UBE2H: variants seen among roughly 807,000 people sequenced by gnomAD.
The protein encoded by UBE2H is ubiquitin-conjugating enzyme E2 H.
In UBE2H, 3 loss-of-function variants were observed where a neutral mutation model predicts 29.0. The observed-to-expected ratio is 0.10, with a 90% CI of 0.05 to 0.27. The LOEUF (loss-of-function observed/expected upper bound fraction) is 0.27. Ranked by LOEUF, UBE2H falls within the 10% of genes least tolerant of loss-of-function variation. The pLI is 1.00. For missense variants in UBE2H, 68 were observed against 228.2 expected, an observed-to-expected ratio of 0.30 and a Z score of 4.52; for synonymous variants, 69 against 82.9, an observed-to-expected ratio of 0.83 and a Z score of 0.91.
intron 5 of UBE2H, among the ~76,000 whole-genome samples, chr7:129,840,352 A>G (rs938965896): frequency 6.6e-6 from 1 of 151,444 alleles, no homozygotes; most frequent in East Asian, 2.0e-4. Flanking sequence ...ATACCCAGCT[A>G]ATTTTTTTTT....
chr7:129,865,532 G>A (rs1038085730), intron 3 of UBE2H, among the ~76,000 whole-genome samples: 1 of 152,226 alleles, frequency 6.6e-6, no homozygotes, highest in Non-Finnish European at 1.5e-5. Context: ...CAAACGACTT[G>A]TGAATCAAGG....
chr7:129,926,980 T>A (rs902079589), intron 1 of UBE2H, among the ~76,000 whole-genome samples: 1 of 152,188 alleles, frequency 6.6e-6, no homozygotes, highest in Non-Finnish European at 1.5e-5. Context: ...ACCTCATGAG[T>A]GCCCTCTTGC....
At chr7:129,882,520 C>T (rs1336816786) in intron 1 of UBE2H, among the ~76,000 whole-genome samples, 2 of 152,180 alleles carry the variant, frequency 1.3e-5, no homozygotes, top group African/African-American at 2.4e-5. Flanking sequence ...AAAGTCCTTG[C>T]TCAAGAGCCC....
chr7:129,894,397 G>A (rs910308865), intron 1 of UBE2H, among the ~76,000 whole-genome samples: 4 of 151,830 alleles, frequency 2.6e-5, no homozygotes, highest in East Asian at 1.9e-4. Flanking sequence ...ACCATGTCAC[G>A]CCACTGCACT....
intron 1 of UBE2H, among the ~76,000 whole-genome samples, chr7:129,935,057 T>C (rs1319457556): frequency 1.3e-5 from 2 of 150,556 alleles, no homozygotes; most frequent in East Asian, 3.9e-4. Flanking sequence ...AGGTGAAAGG[T>C]AAAAATAAAC....
intron 1 of UBE2H, among the ~76,000 whole-genome samples, chr7:129,885,920 G>C (rs1015738974): frequency 6.6e-6 from 1 of 152,154 alleles, no homozygotes; most frequent in African/African-American, 2.4e-5. Flanking sequence ...TTATGGGAGA[G>C]ACCACGAGTT....
Position 129,879,467 on chromosome 7 carries a change from TAGAC to T in UBE2H, c.205+97_205+100del, listed in dbSNP as rs772224274. 2.8e-4 allele frequency: 319 copies of T among 1,136,782 alleles called. 2 individuals carry two copies. The highest frequency in any genetic ancestry group is 1.4e-3 in the Middle Eastern group (7 of 5,108). The allele number at this position is 1,136,782 out of a possible 1,614,324, so 70.4% of individuals were successfully genotyped here. A position where few individuals can be genotyped will look rare whatever the true frequency, so the allele number is the denominator to read the frequency against. On this transcript the variant is annotated intron_variant, in intron 3 of 6. Coordinates refer to ENST00000355621, the MANE Select transcript of UBE2H (RefSeq NM_003344.4). ...AAAGCCAAAAAAGGAAAAATTCAAT[TAGAC>T]AGCCATTTCTGGCATTAATTACCTC...
intron 1 of UBE2H, among the ~76,000 whole-genome samples, chr7:129,900,377 G>T (rs1432674193): frequency 2.6e-5 from 4 of 152,144 alleles, no homozygotes; most frequent in African/African-American, 9.7e-5. Context: ...GTTTACCCTT[G>T]ACTACTTAAA....
At chr7:129,874,308 A>G (rs890737914) in intron 3 of UBE2H, among the ~76,000 whole-genome samples, 2 of 149,256 alleles carry the variant, frequency 1.3e-5, no homozygotes, top group Non-Finnish European at 1.5e-5. Flanking sequence ...TTTTATATAT[A>G]TAATTTTTTT....
At chr7:129,845,046 C>T (rs978190856) in intron 5 of UBE2H, among the ~76,000 whole-genome samples, 1 of 152,282 alleles carries the variant, frequency 6.6e-6, no homozygotes, top group East Asian at 1.9e-4. Context: ...AGGAGAATTG[C>T]TTGAACCTGG....
chr7:129,873,639 T>C (rs1806088834), intron 3 of UBE2H, among the ~76,000 whole-genome samples: 1 of 151,708 alleles, frequency 6.6e-6, no homozygotes. Context: ...GGTTTCTCCA[T>C]ATTGCTCAGG....
intron 1 of UBE2H, among the ~76,000 whole-genome samples, chr7:129,942,151 T>C (rs545106610): frequency 2.3e-5 from 3 of 132,056 alleles, no homozygotes; most frequent in African/African-American, 9.0e-5. Context: ...AGTTCGAGGC[T>C]GCAGTGAGCT....
intron 1 of UBE2H, among the ~76,000 whole-genome samples, chr7:129,886,334 T>G (rs1035154650): frequency 2.0e-5 from 3 of 152,234 alleles, no homozygotes; most frequent in African/African-American, 4.8e-5. Context: ...GGAATGCCAT[T>G]ATGATTACAC....
rs141580529 is a variant in UBE2H at position 129,833,515 on chromosome 7, C to T, written c.*1422G>A. Reference sequence around the variant, plus strand: ...ACACTCAGATTTGAAAGAAACTCTGCAGCAACCTGGACATATGGTTAGCTG... The same window carrying T: ...ACACTCAGATTTGAAAGAAACTCTGTAGCAACCTGGACATATGGTTAGCTG... On this transcript the variant is annotated 3_prime_UTR_variant, in exon 7 of 7. Coordinates refer to ENST00000355621, the MANE Select transcript of UBE2H (RefSeq NM_003344.4). The T allele has an allele frequency of 1.4e-4, 21 of 152,300 alleles. No homozygotes were observed. Among genetic ancestry groups the T allele is most frequent in the Middle Eastern group, 3.4e-3 (1 of 294 alleles). 9.4% of individuals were successfully genotyped at this position (152,300 alleles called of 1,614,324 possible).
intron 3 of UBE2H, among the ~76,000 whole-genome samples, chr7:129,871,649 G>C (rs1806035515): frequency 6.6e-6 from 1 of 151,610 alleles, no homozygotes; most frequent in Admixed American, 6.6e-5. Context: ...GGGGGGCAGA[G>C]GTTGCAGTAA....
chr7:129,867,699 T>TA (rs59742626), intron 3 of UBE2H, among the ~76,000 whole-genome samples: 3,235 of 29,462 alleles, frequency 0.11, 116 homozygotes, highest in Admixed American at 0.13. Flanking sequence ...TAGAGTATAA[T>TA]AAAAAAAAAA....
chr7:129,913,441 C>T (rs976821498), intron 1 of UBE2H, among the ~76,000 whole-genome samples: 2 of 152,052 alleles, frequency 1.3e-5, no homozygotes, highest in Non-Finnish European at 2.9e-5. Context: ...TACAAAAGGT[C>T]CTGATCTTTT....
chr7:129,898,440 G>T (rs1443140461), intron 1 of UBE2H, among the ~76,000 whole-genome samples: 1 of 152,068 alleles, frequency 6.6e-6, no homozygotes, highest in Non-Finnish European at 1.5e-5. Context: ...AAGAATGAAG[G>T]CTGTATTGTT....
At chr7:129,881,026 C>T in intron 1 of UBE2H, 55 bp from the exon 2 acceptor site, 2 of 1,502,470 alleles carry the variant, frequency 1.3e-6, no homozygotes, top group Non-Finnish European at 1.8e-6. Context: ...GGCAGAATTA[C>T]CAATAACACC....
Sources: gnomAD v4.1 joint callset for allele counts (sites outside exome capture counted in the v4.1 genomes callset) on GRCh38, gnomAD v4.1.1 for gene constraint, MANE v1.5 for transcripts, NCBI Gene and HGNC (gene_info 2026-07-23, HGNC 2026-07-21) for gene names.